INPP5F: variants seen among roughly 807,000 people sequenced by gnomAD.
INPP5F encodes the protein phosphatidylinositide 4-phosphatase SAC2.
In INPP5F, 97 loss-of-function variants were observed where a neutral mutation model predicts 137.2. The observed-to-expected ratio is 0.71, with a 90% CI of 0.60 to 0.84. The LOEUF (loss-of-function observed/expected upper bound fraction) is 0.84. INPP5F is among the 40% of genes least tolerant of loss of function. The probability of loss-of-function intolerance (pLI) is 0.00; values close to 1 mark genes in which losing one functional copy is unlikely to be tolerated. For synonymous variants in INPP5F, 504 were observed against 476.9 expected (o/e 1.06, Z -0.74); for missense variants, 1,271 against 1,371.9 (o/e 0.93, Z 1.16).
At chr10:119,785,337 G>A (rs1484416951) in intron 3 of INPP5F, among the ~76,000 whole-genome samples, 1 of 138,018 alleles carries the variant, frequency 7.2e-6, no homozygotes, top group African/African-American at 2.7e-5. Context: ...CCAGGCTGGA[G>A]TGCAGTGGCA....
rs1299155784 is a variant in INPP5F, at chr10:119,748,456, C to T, written c.98-2620C>T. 6.6e-6 allele frequency among the ~76,000 whole-genome samples: 1 copy of T among 152,154 alleles called. No individual in the cohort carries two copies. The highest frequency in any genetic ancestry group is 1.5e-5 in the Non-Finnish European group (1 of 68,030). On this transcript the variant is annotated intron_variant, in intron 1 of 19. Coordinates refer to ENST00000650623, the MANE Select transcript of INPP5F (RefSeq NM_014937.4). The surrounding 1 kb of genome is among the most constrained non-coding windows in gnomAD (Gnocchi z 4.7). The stretch of plus-strand genomic sequence containing the variant: ...CTGTTTGTGTTACAGCTTTTTCAGT[C>T]CCACCATTCAGGGGTCCCGTGTCCA...
At position 119,787,673 on chromosome 10, in the gene INPP5F, CAGGA is replaced by C. The variant is rs1375106212; in HGVS notation, c.316-3834_316-3831del. ...GAAGGGAGGAAGGCAGGCAGGCAGGCAGGAAGGAAGGAAATGCCAAGCTTAGAGA... is the reference window on the plus strand; with the variant it reads ...GAAGGGAGGAAGGCAGGCAGGCAGGCAGGAAGGAAATGCCAAGCTTAGAGA... On this transcript the variant is annotated intron_variant, in intron 3 of 19. Coordinates refer to ENST00000650623, the MANE Select transcript of INPP5F (RefSeq NM_014937.4). The surrounding 1 kb of genome is among the most constrained non-coding windows in gnomAD (Gnocchi z 4.1). 4.6e-5 allele frequency among the ~76,000 whole-genome samples: 7 copies of C among 151,746 alleles called. No homozygotes were observed. Among genetic ancestry groups the C allele is most frequent in the Non-Finnish European group, 7.4e-5 (5 of 67,904 alleles).
chr10:119,750,878 G>A (rs1262534622), intron 1 of INPP5F, among the ~76,000 whole-genome samples, 198 bp from the exon 2 acceptor site: 1 of 152,192 alleles, frequency 6.6e-6, no homozygotes, highest in Non-Finnish European at 1.5e-5. Context: ...ACTGTCCGAA[G>A]CCTTATTGTA....
At chr10:119,731,195 A>G (rs1203808633) in intron 1 of INPP5F, among the ~76,000 whole-genome samples, 4 of 152,090 alleles carry the variant, frequency 2.6e-5, no homozygotes, top group South Asian at 2.1e-4. Flanking sequence ...TATTTTTACT[A>G]TGTCATATGA....
At chr10:119,819,337 C>G in intron 15 of INPP5F, 1 of 1,107,564 alleles carries the variant, frequency 9.0e-7, no homozygotes, top group Admixed American at 4.9e-5. Context: ...CATTTTCCGA[C>G]TGCCTGTTAC....
chr10:119,783,542 T>C (rs1343476092), intron 3 of INPP5F, among the ~76,000 whole-genome samples: 3 of 152,328 alleles, frequency 2.0e-5, no homozygotes, highest in Non-Finnish European at 4.4e-5. Context: ...TGTTCTGATG[T>C]CCTTCATGGC....
In INPP5F at chr10:119,823,782, A is replaced by C. The variant is rs1044466724; in HGVS notation, c.2162-33A>C. ...GCTATTTTTTTTAGTATGTTTATGG[A>C]GAAATTGGCAGGCAGTTATATTTGG... is the stretch of plus-strand genomic sequence containing the variant. On this transcript the variant is annotated intron_variant, in intron 18 of 19. Coordinates refer to ENST00000650623, the MANE Select transcript of INPP5F (RefSeq NM_014937.4). 6.5e-6 allele frequency: 10 copies of C among 1,542,390 alleles called. No individual in the cohort carries two copies. The African/African-American group carries it at 1.2e-4, about 19-fold the overall frequency.
chr10:119,789,431 A>AG (rs1850052591), intron 3 of INPP5F, among the ~76,000 whole-genome samples: 1 of 152,126 alleles, frequency 6.6e-6, no homozygotes, highest in African/African-American at 2.4e-5. Flanking sequence ...AGGAGACCAA[A>AG]GGGAAAGCAT....
At chr10:119,824,537 G>C (rs974462619) in intron 19 of INPP5F, among the ~76,000 whole-genome samples, 1 of 152,178 alleles carries the variant, frequency 6.6e-6, no homozygotes, top group Non-Finnish European at 1.5e-5. Context: ...GGGCGTGATG[G>C]CCTGTGTAGT....
chr10:119,780,960 G>A (rs755323148), intron 2 of INPP5F, among the ~76,000 whole-genome samples: 1 of 152,202 alleles, frequency 6.6e-6, no homozygotes, highest in Non-Finnish European at 1.5e-5. Flanking sequence ...TGCAGATACC[G>A]AGGGATGGCT....
chr10:119,729,037 T>C (rs924155842), intron 1 of INPP5F, among the ~76,000 whole-genome samples: 17 of 152,204 alleles, frequency 1.1e-4, no homozygotes, highest in Non-Finnish European at 1.3e-4. Context: ...TGAGTTGAGC[T>C]GAATTAAAGT....
At chr10:119,822,548 T>A (rs1195924969) in intron 17 of INPP5F, 44 bp downstream of exon 17, 3 of 940,972 alleles carry the variant, frequency 3.2e-6, no homozygotes, top group Non-Finnish European at 4.9e-6. Flanking sequence ...GCAAATGCTG[T>A]TGTTTCCAAG....
In INPP5F at chr10:119,827,497, C is replaced by A. The variant is rs145032342; in HGVS notation, c.3116C>A (p.Thr1039Asn). ...GCGCATTCAGTTGCATCTCAAAAAA[C>A]CCCCACCTCCGCTTCCAGCATGCTT... ...EPAHSVASQK[T>N]PTSASSMLEL... The change falls in exon 20 of 20, where the codon ACC (threonine) becomes AAC (asparagine). Residue 1039 changes from threonine (T) to asparagine (N), a missense_variant. Coordinates refer to ENST00000650623, the MANE Select transcript of INPP5F (RefSeq NM_014937.4). 8 of 1,614,068 alleles carry A rather than the reference C, an allele frequency of 5.0e-6. No individual in the cohort carries two copies. The Admixed American group carries it at 1.3e-4, about 27-fold the overall frequency.
At position 119,797,590 on chromosome 10, in the gene INPP5F, T is replaced by C; in HGVS notation, c.998T>C (p.Phe333Ser). The C allele has an allele frequency of 6.2e-7, 1 of 1,613,436 alleles. No individual in the cohort carries two copies. Among genetic ancestry groups the C allele is most frequent in the Non-Finnish European group, 8.5e-7 (1 of 1,179,692 alleles). ...FVQTRGSVPV[F>S]WSQVGYRYNP... is the part of the protein sequence containing the mutation. The stretch of plus-strand genomic sequence containing the variant: ...CAAACACGAGGCTCTGTGCCTGTCT[T>C]TTGGAGCCAGGTTGGGTATCGATAT... Residue 333 changes from phenylalanine (F) to serine (S), a missense_variant, in exon 8 of 20, where the codon TTT (phenylalanine) becomes TCT (serine). Phe to Ser is a radical substitution (Grantham distance 155). Around this residue, in one of 6 missense-constraint regions of INPP5F, gnomAD observed 593 missense variants for 712.4 expected, o/e 0.83. Transcript: ENST00000650623.
intron 15 of INPP5F, chr10:119,819,308 G>C: frequency 5.6e-6 from 3 of 531,540 alleles, no homozygotes; most frequent in Non-Finnish European, 7.8e-6. Context: ...AGTAAAATTG[G>C]GGGTGGGGGG....
At position 119,811,802 on chromosome 10, in the gene INPP5F, T is replaced by C; in HGVS notation, c.1733T>C (p.Phe578Ser). ...GTGACAGAAGATCTTTATTCCATATTTACCAAGGAGAAAGAACATGAAGCT... is the reference window on the plus strand; with the variant it reads ...GTGACAGAAGATCTTTATTCCATATCTACCAAGGAGAAAGAACATGAAGCT... Reference protein sequence around the residue: ...IPVTEDLYSIFTKEKEHEALH... With the variant: ...IPVTEDLYSISTKEKEHEALH... The change falls in exon 15 of 20, where the codon TTT (phenylalanine) becomes TCT (serine). Residue 578 changes from phenylalanine to serine, a missense_variant. By Grantham distance (155) the Phe-to-Ser change is radical (BLOSUM62 -2). Transcript: ENST00000650623. 6.2e-7 allele frequency: 1 copy of C among 1,614,200 alleles called. No individual in the cohort carries two copies. Among genetic ancestry groups the C allele is most frequent in the Non-Finnish European group, 8.5e-7 (1 of 1,180,000 alleles).
chr10:119,800,648 A>G (rs1281825788), intron 9 of INPP5F, among the ~76,000 whole-genome samples: 1 of 152,130 alleles, frequency 6.6e-6, no homozygotes, highest in Non-Finnish European at 1.5e-5. Context: ...ATATCCAGAA[A>G]GTCAGTAGAT....
chr10:119,761,100 A>AT (rs1848996990), intron 2 of INPP5F, among the ~76,000 whole-genome samples: 2 of 152,190 alleles, frequency 1.3e-5, no homozygotes, highest in Non-Finnish European at 2.9e-5. Context: ...AGTATAATAG[A>AT]TTATTTCAAG....
Position 119,827,597 on chromosome 10 carries a change from C to G in INPP5F, c.3216C>G (p.Ala1072=), listed in dbSNP as rs756263830. Residue 1072 remains alanine (A), a synonymous_variant, in exon 20 of 20, where the codon GCC becomes GCG. Transcript: ENST00000650623. ...SSSSRAVSPF[A]KIRSSMVQVA... is the part of the protein sequence containing the mutation. The stretch of plus-strand genomic sequence containing the variant: ...GCAGCAGAGCAGTCTCTCCCTTTGC[C>G]AAGATTCGAAGTTCCATGGTCCAGG... 2 of 1,614,018 alleles carry G rather than the reference C, an allele frequency of 1.2e-6. No individual in the cohort carries two copies. Among genetic ancestry groups the G allele is most frequent in the Non-Finnish European group, 1.7e-6 (2 of 1,180,018 alleles).
Sources: allele counts gnomAD v4.1 joint callset (sites outside exome capture counted in the v4.1 genomes callset), GRCh38; gene constraint gnomAD v4.1.1; regional missense constraint gnomAD v4.1.1; non-coding constraint Gnocchi (gnomAD v3.1); transcripts MANE v1.5; gene names NCBI Gene and HGNC (gene_info 2026-07-23, HGNC 2026-07-21).